Variants in TASP1 observed in about 807,000 individuals in gnomAD.
TASP1 encodes the protein threonine aspartase 1.
In TASP1, 16 loss-of-function variants were observed where a neutral mutation model predicts 56.6. The ratio of observed to expected loss-of-function variants is 0.28; its 90% CI spans 0.19 to 0.43. The LOEUF is 0.43. TASP1 is among the 20% of genes least tolerant of loss of function. The probability of loss-of-function intolerance (pLI) is 1.00; values close to 1 mark genes in which losing one functional copy is unlikely to be tolerated. For missense variants in TASP1, 393 were observed against 511.6 expected (o/e 0.77, Z 2.24); for synonymous variants, 179 against 184.2 (o/e 0.97, Z 0.23).
the TASP1 span, among the ~76,000 whole-genome samples, chr20:13,252,479 A>G: frequency 5.9e-5 from 9 of 152,284 alleles, no homozygotes; most frequent in South Asian, 2.1e-4. Context: ...GGCTGGGCAC[A>G]GTGGCTCACA....
chr20:13,328,198 A>C, the TASP1 span, among the ~76,000 whole-genome samples: 5 of 152,258 alleles, frequency 3.3e-5, no homozygotes, highest in Non-Finnish European at 7.3e-5. Context: ...GCCAACAAAC[A>C]TGAAGAAAAG....
At chr20:13,155,512 A>G in the TASP1 span, among the ~76,000 whole-genome samples, 1 of 152,174 alleles carries the variant, frequency 6.6e-6, no homozygotes, top group Non-Finnish European at 1.5e-5. Flanking sequence ...ATTTTACCAC[A>G]GCAAAATCAC....
the TASP1 span, among the ~76,000 whole-genome samples, chr20:13,305,146 C>T: frequency 6.7e-6 from 1 of 148,822 alleles, no homozygotes; most frequent in Non-Finnish European, 1.5e-5. Flanking sequence ...AAGAGTCAAT[C>T]TCATTCTGGC....
the TASP1 span, among the ~76,000 whole-genome samples, chr20:13,205,181 C>A: frequency 6.6e-5 from 10 of 152,106 alleles, no homozygotes; most frequent in African/African-American, 2.4e-4. Flanking sequence ...GACCCATGCC[C>A]ACCTCTCCAA....
intron 10 of TASP1, among the ~76,000 whole-genome samples, chr20:13,522,593 C>A (rs2044806443): frequency 1.3e-5 from 2 of 152,122 alleles, no homozygotes; most frequent in Non-Finnish European, 2.9e-5. Context: ...GGCAAGAGCT[C>A]ATATTCGGAC....
intron 4 of TASP1, among the ~76,000 whole-genome samples, chr20:13,616,642 T>TAA (rs542480237): frequency 6.9e-5 from 10 of 144,840 alleles, no homozygotes; most frequent in South Asian, 2.2e-4. Flanking sequence ...TTTTATTCTT[T>TAA]AAAAAAAAAA....
the TASP1 span, among the ~76,000 whole-genome samples, chr20:13,157,584 C>T: frequency 5.9e-5 from 9 of 151,886 alleles, no homozygotes; most frequent in African/African-American, 2.2e-4. Context: ...AAAAAATGCA[C>T]ATCTCATTAA....
chr20:13,480,175 C>G (rs6042156), intron 11 of TASP1, among the ~76,000 whole-genome samples: 38,459 of 151,978 alleles, frequency 0.25, 5,013 homozygotes, highest in Middle Eastern at 0.3. Flanking sequence ...ACGACATAGA[C>G]AGTAGCATGG....
At chr20:13,410,359 T>C (rs969414737) in intron 13 of TASP1, among the ~76,000 whole-genome samples, 1 of 152,146 alleles carries the variant, frequency 6.6e-6, no homozygotes, top group Non-Finnish European at 1.5e-5. Flanking sequence ...AGTAGAAAGG[T>C]TGGATTGCAT....
the TASP1 span, among the ~76,000 whole-genome samples, chr20:13,125,135 A>G: frequency 1.3e-5 from 2 of 152,048 alleles, no homozygotes; most frequent in Non-Finnish European, 1.5e-5. Flanking sequence ...CTGCCACCCA[A>G]CTGAGCACCT....
At chr20:13,265,970 C>T in the TASP1 span, among the ~76,000 whole-genome samples, 12 of 152,254 alleles carry the variant, frequency 7.9e-5, no homozygotes, top group East Asian at 1.2e-3. Flanking sequence ...GCCTGCCAGC[C>T]GCCTCATTTC....
the TASP1 span, chr20:13,221,762 G>C: frequency 7.0e-7 from 1 of 1,429,050 alleles, no homozygotes; most frequent in Non-Finnish European, 9.1e-7. Context: ...TCCTAAAGCC[G>C]CGCGTCTCAA....
chr20:13,638,094 T>G (rs1447734924), intron 1 of TASP1, among the ~76,000 whole-genome samples: 1 of 152,242 alleles, frequency 6.6e-6, no homozygotes, highest in Non-Finnish European at 1.5e-5. Flanking sequence ...TTCATAACTA[T>G]TTCTGCATTT....
At chr20:13,123,666 T>C in the TASP1 span, among the ~76,000 whole-genome samples, 1 of 152,160 alleles carries the variant, frequency 6.6e-6, no homozygotes, top group Admixed American at 6.5e-5. Context: ...CTCTTCCCAA[T>C]TGACACCTCC....
chr20:13,362,187 C>G, the TASP1 span, among the ~76,000 whole-genome samples: 4 of 150,544 alleles, frequency 2.7e-5, no homozygotes, highest in Non-Finnish European at 4.4e-5. Flanking sequence ...GCCGCCCCAA[C>G]ACTTCAACAC....
At chr20:13,517,783 A>T (rs149913207) in intron 10 of TASP1, among the ~76,000 whole-genome samples, 1 of 152,192 alleles carries the variant, frequency 6.6e-6, no homozygotes. Flanking sequence ...GCATACCATC[A>T]GTGACTTTAC....
chr20:13,477,078 T>C lies in TASP1; in HGVS notation c.985+6149A>G, dbSNP rs1027095026. 3.3e-5 allele frequency among the ~76,000 whole-genome samples: 5 copies of C among 152,080 alleles called. No individual in the cohort carries two copies. The South Asian group carries it at 6.2e-4, about 19-fold the overall frequency. On this transcript the variant is annotated intron_variant, in intron 11 of 13. Coordinates refer to ENST00000337743, the MANE Select transcript of TASP1 (RefSeq NM_017714.3). ...TTCATGAAATGATGATCACAGAGGCTAAATGTGTAATTACAGGGTACTTTT... is the reference window on the plus strand; with the variant it reads ...TTCATGAAATGATGATCACAGAGGCCAAATGTGTAATTACAGGGTACTTTT...
intron 8 of TASP1, among the ~76,000 whole-genome samples, chr20:13,558,224 A>G (rs2046228584): frequency 6.6e-6 from 1 of 152,238 alleles, no homozygotes; most frequent in Admixed American, 6.5e-5. Flanking sequence ...GCTAAGGTAC[A>G]TCACATGACT....
intron 4 of TASP1, chr20:13,600,558 A>G (rs1266925529): frequency 5.9e-5 from 9 of 152,220 alleles, no homozygotes; most frequent in Non-Finnish European, 1.2e-4. Context: ...ACTAGAATTC[A>G]GGAAAAATTG....
Sources: gnomAD v4.1 joint callset for allele counts (sites outside exome capture counted in the v4.1 genomes callset) on GRCh38, gnomAD v4.1.1 for gene constraint, MANE v1.5 for transcripts, NCBI Gene and HGNC (gene_info 2026-07-23, HGNC 2026-07-21) for gene names.